The following LIN7A variants were observed in gnomAD, a reference collection of about 807,000 sequenced individuals.
LIN7A encodes lin-7 cell polarity scaffold A, also known as protein lin-7 homolog A.
In LIN7A, 25 loss-of-function variants were observed where a neutral mutation model predicts 29.8. The ratio of observed to expected loss-of-function variants is 0.84; its 90% CI spans 0.61 to 1.17. The LOEUF (loss-of-function observed/expected upper bound fraction) is 1.17. Ranked by LOEUF, LIN7A falls within the 50% of genes most tolerant of loss-of-function variation. The pLI, the probability that LIN7A is intolerant of heterozygous loss-of-function variation, is 0.00. For missense variants in LIN7A, 239 were observed against 287.0 expected, an observed-to-expected ratio of 0.83 and a Z score of 1.21; for synonymous variants, 118 against 107.5, an observed-to-expected ratio of 1.10 and a Z score of -0.60.
At chr12:80,882,606 C>T (rs1172457225) in intron 2 of LIN7A, among the ~76,000 whole-genome samples, 2 of 152,128 alleles carry the variant, frequency 1.3e-5, no homozygotes, top group African/African-American at 4.8e-5. Context: ...CTAATACTTA[C>T]ACCTATTTTA....
intron 4 of LIN7A, among the ~76,000 whole-genome samples, chr12:80,845,020 C>T (rs1246055358): frequency 6.6e-6 from 1 of 151,936 alleles, no homozygotes; most frequent in South Asian, 2.1e-4. Context: ...AGGCGGATCA[C>T]GAGATCAGGA....
intron 2 of LIN7A, among the ~76,000 whole-genome samples, chr12:80,887,107 C>A (rs1157092823): frequency 2.6e-5 from 4 of 152,108 alleles, no homozygotes; most frequent in South Asian, 2.1e-4. Context: ...CAAGCCCAAA[C>A]CTAAGATTCA....
At chr12:80,798,318 A>C (rs1870550536) in intron 5 of LIN7A, among the ~76,000 whole-genome samples, 1 of 152,232 alleles carries the variant, frequency 6.6e-6, no homozygotes, top group Admixed American at 6.5e-5. Flanking sequence ...TTCAGAGAGA[A>C]CAGTGATTTT....
At chr12:80,935,744 A>T (rs367853288) in intron 1 of LIN7A, 32 of 487,316 alleles carry the variant, frequency 6.6e-5, no homozygotes, top group Non-Finnish European at 1.3e-4. Flanking sequence ...TTTCAGACTC[A>T]TCCACAGGGT....
At chr12:80,873,280 A>G (rs1457742659) in intron 2 of LIN7A, among the ~76,000 whole-genome samples, 1 of 152,172 alleles carries the variant, frequency 6.6e-6, no homozygotes, top group Admixed American at 6.5e-5. Context: ...CTGTAATCCC[A>G]GTACTTTGGG....
At chr12:80,853,204 A>C (rs915061822) in intron 2 of LIN7A, among the ~76,000 whole-genome samples, 1 of 152,202 alleles carries the variant, frequency 6.6e-6, no homozygotes, top group South Asian at 2.1e-4. Flanking sequence ...ATATAGAACT[A>C]TGCTATCTTT....
At chr12:80,831,618 CT>C (rs2121527678) in intron 4 of LIN7A, among the ~76,000 whole-genome samples, 1 of 152,246 alleles carries the variant, frequency 6.6e-6, no homozygotes, top group East Asian at 1.9e-4. Context: ...TCCAATACAA[CT>C]GAAGGAAAAT....
chr12:80,894,074 C>T (rs1424453036), intron 1 of LIN7A, among the ~76,000 whole-genome samples: 1 of 152,148 alleles, frequency 6.6e-6, no homozygotes, highest in Non-Finnish European at 1.5e-5. Context: ...ACCTGCAAGG[C>T]TAGGTTCCAG....
chr12:80,933,820 C>G (rs1402500671), intron 1 of LIN7A, among the ~76,000 whole-genome samples: 1 of 152,086 alleles, frequency 6.6e-6, no homozygotes, highest in Non-Finnish European at 1.5e-5. Flanking sequence ...ACATCTAAAA[C>G]AGCAGCCCCC....
chr12:80,886,521 C>G (rs1161298178), intron 2 of LIN7A, among the ~76,000 whole-genome samples: 2 of 151,808 alleles, frequency 1.3e-5, no homozygotes, highest in African/African-American at 4.8e-5. Flanking sequence ...AAATATAAAC[C>G]ATAACATATG....
chr12:80,880,776 T>A (rs1163672), intron 2 of LIN7A, among the ~76,000 whole-genome samples: 1 of 115,366 alleles, frequency 8.7e-6, no homozygotes, highest in South Asian at 3.0e-4. Context: ...CACACACACA[T>A]ACACACACAC....
chr12:80,888,008 G>A (rs1046511860), intron 2 of LIN7A, among the ~76,000 whole-genome samples: 2 of 152,116 alleles, frequency 1.3e-5, no homozygotes, highest in Admixed American at 1.3e-4. Flanking sequence ...TAATCAAGAG[G>A]ACGCTCATGC....
intron 1 of LIN7A, among the ~76,000 whole-genome samples, chr12:80,929,090 A>G (rs546457588): frequency 6.6e-6 from 1 of 152,188 alleles, no homozygotes; most frequent in Non-Finnish European, 1.5e-5. Flanking sequence ...TGAATTTATT[A>G]TTATGTTGGT....
intron 3 of LIN7A, chr12:80,848,050 T>C (rs1873158659): frequency 1.5e-6 from 1 of 673,724 alleles, no homozygotes; most frequent in Non-Finnish European, 2.7e-6. Context: ...TCTCCTTTCT[T>C]AAGCTACAGA....
chr12:80,900,913 T>G (rs1457008143), intron 1 of LIN7A, among the ~76,000 whole-genome samples: 2 of 152,168 alleles, frequency 1.3e-5, no homozygotes, highest in Non-Finnish European at 1.5e-5. Flanking sequence ...TTAAATATAA[T>G]TGTCTAAGTG....
chr12:80,893,454 G>T (rs1875730194), intron 1 of LIN7A, among the ~76,000 whole-genome samples: 1 of 152,028 alleles, frequency 6.6e-6, no homozygotes, highest in African/African-American at 2.4e-5. Flanking sequence ...GAAAAATATT[G>T]TTCAAAAAAG....
intron 4 of LIN7A, among the ~76,000 whole-genome samples, chr12:80,838,877 G>A (rs576790982): frequency 1.3e-5 from 2 of 152,182 alleles, no homozygotes; most frequent in Admixed American, 1.3e-4. Context: ...GAGAGTGCTT[G>A]TGGACCAGGG....
At chr12:80,838,909 C>A (rs1178775352) in intron 4 of LIN7A, among the ~76,000 whole-genome samples, 1 of 152,184 alleles carries the variant, frequency 6.6e-6, no homozygotes, top group Non-Finnish European at 1.5e-5. Flanking sequence ...GCCGGGAATG[C>A]AAAGTGCCTG....
At chr12:80,888,317 T>A (rs997988272) in intron 2 of LIN7A, among the ~76,000 whole-genome samples, 7 of 152,158 alleles carry the variant, frequency 4.6e-5, no homozygotes, top group Admixed American at 2.6e-4. Flanking sequence ...TATGTCTTTA[T>A]CTTGGTCTTT....
Sources: gnomAD v4.1 joint callset for allele counts (sites outside exome capture counted in the v4.1 genomes callset) on GRCh38, gnomAD v4.1.1 for gene constraint, MANE v1.5 for transcripts, NCBI Gene and HGNC (gene_info 2026-07-23, HGNC 2026-07-21) for gene names.